Variants in MAP1A observed in about 807,000 individuals in gnomAD.
MAP1A encodes microtubule associated protein 1A.
A neutral mutation model predicts 185.9 loss-of-function variants in MAP1A; 42 were observed. That is an observed-to-expected ratio of 0.23 (90% confidence interval 0.18 to 0.29). The LOEUF (loss-of-function observed/expected upper bound fraction) is 0.29, where lower values mean the gene tolerates loss of function less well. Among genes scored for constraint, MAP1A ranks in the 10% least tolerant of loss-of-function variants. The pLI, the probability that MAP1A is intolerant of heterozygous loss-of-function variation, is 1.00. For synonymous variants in MAP1A, 1,229 were observed against 1,335.9 expected (o/e 0.92, Z 1.74); for missense variants, 2,995 against 3,450.4 (o/e 0.87, Z 3.31).
At position 43,527,101 on chromosome 15, in the gene MAP1A, C is replaced by T. The variant is rs1357646531; in HGVS notation, c.5628C>T (p.Phe1876=). ...PAPESHTPAP[F]SWGTAEYDSV... ...CGGAATCCCATACTCCTGCACCCTT[C>T]TCTTGGGGCACAGCCGAGTATGACA... The change falls in exon 4 of 6, where the codon TTC becomes TTT. Residue 1876 remains phenylalanine, a synonymous_variant. Transcript: ENST00000300231. 8.8e-6 allele frequency: 14 copies of T among 1,596,420 alleles called. No homozygotes were observed. The highest frequency in any genetic ancestry group is 1.2e-5 in the Non-Finnish European group (14 of 1,170,860).
chr15:43,520,737 C>A lies in MAP1A; in HGVS notation c.-292+14C>A. 1 of 1,537,164 alleles carries A rather than the reference C, an allele frequency of 6.5e-7. No homozygotes were observed. The highest frequency in any genetic ancestry group is 2.4e-5 in the East Asian group (1 of 40,830). On this transcript the variant is annotated intron_variant, in intron 2 of 5. Coordinates refer to ENST00000300231, the MANE Select transcript of MAP1A (RefSeq NM_002373.6). ...ATCAGCTCTGAGGTAAGGCCAGGGC[C>A]TGTGCCTTGCCAAACAGGCCTGGTG...
rs771733506 is a variant in MAP1A, at chr15:43,511,058, C to G, written c.70C>G (p.Arg24Gly). Residue 24 changes from arginine to glycine, a missense_variant, in exon 1 of 7, where the codon CGA becomes GGA. By Grantham distance (125) the Arg-to-Gly change is moderately radical (BLOSUM62 -2). Transcript: ENST00000382031. ...GGAGACAACTCCGGGGCTGGGGCTC[C>G]GAAGTCCCGGCGCACCGCTGGCTCA... 3.6e-5 allele frequency: 55 copies of G among 1,549,190 alleles called. 1 individual carries two copies. The highest frequency in any genetic ancestry group is 4.4e-5 in the Non-Finnish European group (51 of 1,146,438).
In MAP1A at chr15:43,527,355, A is replaced by G. The variant is rs576900291; in HGVS notation, c.5882A>G (p.Asp1961Gly). 1.2e-6 allele frequency: 2 copies of G among 1,614,206 alleles called. No individual in the cohort carries two copies. Among genetic ancestry groups the G allele is most frequent in the South Asian group, 1.1e-5 (1 of 91,088 alleles). ...PEQREPTPYP[D>G]ERSFQYADIY... ...CAGAGAGAGCCCACACCCTATCCTG[A>G]TGAGAGAAGCTTTCAGTATGCAGAC... The change falls in exon 4 of 6, where the codon GAT becomes GGT. Residue 1961 changes from aspartate to glycine, a missense_variant. This residue lies in a region of MAP1A where 2,728 missense variants were observed against 2,986.0 expected (regional missense o/e 0.91). Transcript: ENST00000300231.
rs2079326803 is a variant in MAP1A, at chr15:43,523,157, G to A, written c.1684G>A (p.Asp562Asn). 1 of 1,614,006 alleles carries A rather than the reference G, an allele frequency of 6.2e-7. No individual in the cohort carries two copies. The highest frequency in any genetic ancestry group is 1.7e-5 in the Admixed American group (1 of 60,000). Residue 562 changes from aspartate to asparagine, a missense_variant, in exon 4 of 6, where the codon GAC becomes AAC. Coordinates refer to ENST00000300231, the MANE Select transcript of MAP1A (RefSeq NM_002373.6). Reference sequence around the variant, plus strand: ...ACTAGGAGATAAGCCATTCCCTCTAGACACTGCAGAGGAGGGACCCCCAAG... The same window carrying A: ...ACTAGGAGATAAGCCATTCCCTCTAAACACTGCAGAGGAGGGACCCCCAAG... ...TGLGDKPFPL[D>N]TAEEGPPSTA...
In MAP1A at chr15:43,521,038, C is replaced by A; in HGVS notation, c.-225C>A. On this transcript the variant is annotated 5_prime_UTR_variant, in exon 3 of 6. Transcript: ENST00000300231. The surrounding 1 kb of genome is among the most constrained non-coding windows in gnomAD (Gnocchi z 4.6). ...AATCTTGAGTGGGCAAAGTTTAGAG[C>A]CTGGGGGAGACCTCATCCTACAGAG... 12 of 1,550,148 alleles carry A rather than the reference C, an allele frequency of 7.7e-6. No individual in the cohort carries two copies. The highest frequency in any genetic ancestry group is 1.0e-5 in the Non-Finnish European group (12 of 1,146,716).
Position 43,529,198 on chromosome 15 carries a change from T to G in MAP1A, c.7725T>G (p.Pro2575=). 5.4e-6 allele frequency: 5 copies of G among 926,620 alleles called. No individual in the cohort carries two copies. The highest frequency in any genetic ancestry group is 1.3e-5 in the South Asian group (1 of 78,610). 57.4% of individuals were successfully genotyped at this position (926,620 alleles called of 1,614,324 possible). The change falls in exon 4 of 6, where the codon CCT becomes CCG. Residue 2575 remains proline, a synonymous_variant. Coordinates refer to ENST00000300231, the MANE Select transcript of MAP1A (RefSeq NM_002373.6). The surrounding 1 kb of genome is among the most constrained non-coding windows in gnomAD (Gnocchi z 4.3). The part of the protein sequence containing the change: ...QPDPRPSPPR[P]DVCMADPEGL... ...ACCCCCGCCCATCCCCTCCCCGCCC[T>G]GATGTGTGCATGGCTGACCCCGAGG... is the stretch of plus-strand genomic sequence containing the variant.
At position 43,530,052 on chromosome 15, in the gene MAP1A, T is replaced by C. The variant is rs1158366862; in HGVS notation, c.8257-17T>C. The stretch of plus-strand genomic sequence containing the variant: ...CCTTTATGTTCTCACATCAGACATA[T>C]CTTATCTCCCTTCTAGGTGACTCTG... On this transcript the variant is annotated splice_polypyrimidine_tract_variant and intron_variant, in intron 5 of 5. Transcript: ENST00000300231. 1 of 1,613,560 alleles carries C rather than the reference T, an allele frequency of 6.2e-7. No homozygotes were observed. The highest frequency in any genetic ancestry group is 1.7e-5 in the Admixed American group (1 of 60,016).
rs1026268599 is a variant in MAP1A, at chr15:43,520,828, T to C, written c.-292+105T>C. 8.0e-5 allele frequency: 105 copies of C among 1,306,756 alleles called. 1 individual carries two copies. In the Admixed American group the frequency reaches 2.1e-3, roughly 26 times the overall value. The allele number at this position is 1,306,756 out of a possible 1,614,324, so 80.9% of individuals were successfully genotyped here. On this transcript the variant is annotated intron_variant, in intron 2 of 5. Coordinates refer to ENST00000300231, the MANE Select transcript of MAP1A (RefSeq NM_002373.6). ...GCCAAGAATTCCTCTCTCTGCCATC[T>C]AAGCTGACGTATTGTCTCCAGCCCA...
At position 43,522,685 on chromosome 15, in the gene MAP1A, C is replaced by A. The variant is rs752922055; in HGVS notation, c.1212C>A (p.His404Gln). 6.2e-7 allele frequency: 1 copy of A among 1,607,806 alleles called. No homozygotes were observed. The highest frequency in any genetic ancestry group is 2.2e-5 in the East Asian group (1 of 44,794). ...TCAAAGACAAGGTAGGGAAAAAGCA[C>A]CTTAAAGAAAAGATATCAAAGCTGG... Reference protein sequence around the residue: ...KLIKDKVGKKHLKEKISKLEE... With the variant: ...KLIKDKVGKKQLKEKISKLEE... The change falls in exon 4 of 6, where the codon CAC becomes CAA. Residue 404 changes from histidine (H) to glutamine (Q), a missense_variant. His to Gln is a conservative substitution (Grantham distance 24). Transcript: ENST00000300231. This position sits in a 1 kb window ranked among gnomAD's most constrained non-coding sequence, Gnocchi z 5.9.
At chr15:43,517,312 C>T (rs548670149), upstream of MAP1A, among the ~76,000 whole-genome samples, 10 of 152,136 alleles carry the variant, frequency 6.6e-5, no homozygotes, top group African/African-American at 2.2e-4. Context: ...CCTATAGCCT[C>T]GCTCTGTGCC....
intron 2 of MAP1A, among the ~76,000 whole-genome samples, chr15:43,512,498 A>C (rs2079285749): frequency 6.6e-6 from 1 of 152,202 alleles, no homozygotes; most frequent in African/African-American, 2.4e-5. Flanking sequence ...AGACTGGAGA[A>C]CATAACTTCT....
Position 43,527,456 on chromosome 15 carries a change from G to A in MAP1A, c.5983G>A (p.Asp1995Asn). 1 of 1,614,144 alleles carries A rather than the reference G, an allele frequency of 6.2e-7. No individual in the cohort carries two copies. The highest frequency in any genetic ancestry group is 8.5e-7 in the Non-Finnish European group (1 of 1,180,006). ...AGAGCCTCCACTTGGAGCAGCTGGG[G>A]ATTGGCCCCCATGCCTCTCAACCAA... ...TREPPLGAAG[D>N]WPPCLSTKEA... Residue 1995 changes from aspartate (D) to asparagine (N), a missense_variant, in exon 4 of 6, where the codon GAT becomes AAT. Around this residue, in one of 3 missense-constraint regions of MAP1A, gnomAD observed 2,728 missense variants for 2,986.0 expected, o/e 0.91. Transcript: ENST00000300231.
Position 43,524,552 on chromosome 15 carries a change from G to T in MAP1A, c.3079G>T (p.Ala1027Ser), listed in dbSNP as rs188722840. 1 of 1,614,028 alleles carries T rather than the reference G, an allele frequency of 6.2e-7. No individual in the cohort carries two copies. The highest frequency in any genetic ancestry group is 1.3e-5 in the African/African-American group (1 of 74,912). Reference sequence around the variant, plus strand: ...GTCTGAGCCCCAAGACTTTCAGGAGGCAGACTCCTGGGGAGACACTAAGCG... The same window carrying T: ...GTCTGAGCCCCAAGACTTTCAGGAGTCAGACTCCTGGGGAGACACTAAGCG... ...EKSEPQDFQE[A>S]DSWGDTKRTP... is the part of the protein sequence containing the mutation. Residue 1027 changes from alanine (A) to serine (S), a missense_variant, in exon 4 of 6, where the codon GCA becomes TCA. Ala to Ser is a moderately conservative substitution (Grantham distance 99). Coordinates refer to ENST00000300231, the MANE Select transcript of MAP1A (RefSeq NM_002373.6).
intron 1 of MAP1A, among the ~76,000 whole-genome samples, chr15:43,511,548 T>C (rs2079278335): frequency 6.6e-6 from 1 of 152,202 alleles, no homozygotes; most frequent in Admixed American, 6.5e-5. Flanking sequence ...GTCCTCACCA[T>C]CCCTGGAGAA....
Position 43,528,578 on chromosome 15 carries a change from C to T in MAP1A, c.7105C>T (p.Pro2369Ser). Residue 2369 changes from proline (P) to serine (S), a missense_variant, in exon 4 of 6, where the codon CCC (proline) becomes TCC (serine). By Grantham distance (74) the Pro-to-Ser change is moderately conservative. Transcript: ENST00000300231. Reference sequence around the variant, plus strand: ...TGGCCCAACTGAAACCAGCCCTAACCCCCCAGGCCCTGCCCCAGCCAAGGC... The same window carrying T: ...TGGCCCAACTGAAACCAGCCCTAACTCCCCAGGCCCTGCCCCAGCCAAGGC... Reference protein sequence around the residue: ...ANGPTETSPNPPGPAPAKAEN... With the variant: ...ANGPTETSPNSPGPAPAKAEN... 1.2e-6 allele frequency: 2 copies of T among 1,613,926 alleles called. No homozygotes were observed. The highest frequency in any genetic ancestry group is 2.2e-5 in the East Asian group (1 of 44,882).
rs552869456 is a variant in MAP1A, at chr15:43,521,836, C to T, written c.363C>T (p.Ser121=). 1.4e-5 allele frequency: 22 copies of T among 1,614,160 alleles called. No homozygotes were observed. The East Asian group carries it at 2.5e-4, about 18-fold the overall frequency. ...AGTCCCAGGGCTCTAGCAGTTACAG[C>T]GACTGGGTGAAGAACCTTATCTCTC... The part of the protein sequence containing the change: ...EEQSQGSSSY[S]DWVKNLISPE... Residue 121 remains serine (S), a synonymous_variant, in exon 4 of 6, where the codon AGC becomes AGT. Transcript: ENST00000300231. The surrounding 1 kb of genome is among the most constrained non-coding windows in gnomAD (Gnocchi z 4.6).
At position 43,529,366 on chromosome 15, in the gene MAP1A, C is replaced by G. The variant is rs770715551; in HGVS notation, c.7893C>G (p.Thr2631=). 92 of 1,613,994 alleles carry G rather than the reference C, an allele frequency of 5.7e-5. No homozygotes were observed. The highest frequency in any genetic ancestry group is 7.4e-5 in the Non-Finnish European group (87 of 1,180,020). ...ATCTTCGGGGAAAACGCTCACCCAC[C>G]CCTGGTAAAGGGCCTGCAGATCGAG... ...RLDLRGKRSP[T]PGKGPADRAS... Residue 2631 remains threonine (T), a synonymous_variant, in exon 4 of 6, where the codon ACC becomes ACG. Coordinates refer to ENST00000300231, the MANE Select transcript of MAP1A (RefSeq NM_002373.6). This position sits in a 1 kb window ranked among gnomAD's most constrained non-coding sequence, Gnocchi z 4.3.
chr15:43,529,469 A>C lies in MAP1A; in HGVS notation c.7996A>C (p.Met2666Leu), dbSNP rs1332393839. Residue 2666 changes from methionine (M) to leucine (L), a missense_variant, in exon 4 of 6, where the codon ATG becomes CTG. Met to Leu is a conservative substitution (Grantham distance 15, BLOSUM62 2). Coordinates refer to ENST00000300231, the MANE Select transcript of MAP1A (RefSeq NM_002373.6). The surrounding 1 kb of genome is among the most constrained non-coding windows in gnomAD (Gnocchi z 4.3). ...PAEEKDGHSPMSKGLVNGLKA... is the reference protein window; with the variant it reads ...PAEEKDGHSPLSKGLVNGLKA... The stretch of plus-strand genomic sequence containing the variant: ...AGAGGAAAAGGATGGACACAGCCCC[A>C]TGTCCAAAGGCCTAGTCAATGGACT... The C allele has an allele frequency of 1.4e-5, 23 of 1,612,446 alleles. No homozygotes were observed. The highest frequency in any genetic ancestry group is 1.6e-5 in the Non-Finnish European group (19 of 1,179,026).
chr15:43,525,369 C>T lies in MAP1A; in HGVS notation c.3896C>T (p.Ser1299Leu). 3 of 1,614,116 alleles carry T rather than the reference C, an allele frequency of 1.9e-6. No homozygotes were observed. Among genetic ancestry groups the T allele is most frequent in the Non-Finnish European group, 2.5e-6 (3 of 1,180,048 alleles). The change falls in exon 4 of 6, where the codon TCA (serine) becomes TTA (leucine). Residue 1299 changes from serine to leucine, a missense_variant. By Grantham distance (145) the Ser-to-Leu change is moderately radical. Transcript: ENST00000300231. The part of the protein sequence containing the change: ...PASSFSHSTP[S>L]GNGKYLPGAI... ...AGCTCATTCTCTCACTCTACACCTT[C>T]AGGAAATGGGAAGTACTTACCTGGG...
Sources: allele counts gnomAD v4.1 joint callset (sites outside exome capture counted in the v4.1 genomes callset), GRCh38; gene constraint gnomAD v4.1.1; regional missense constraint gnomAD v4.1.1; non-coding constraint Gnocchi (gnomAD v3.1); transcripts MANE v1.5; gene names NCBI Gene and HGNC (gene_info 2026-07-23, HGNC 2026-07-21).